The following C11orf65 variants were observed in gnomAD, a reference collection of about 807,000 sequenced individuals.
The protein encoded by C11orf65 is chromosome 11 open reading frame 65.
A neutral mutation model predicts 35.3 loss-of-function variants in C11orf65; 38 were observed. The ratio of observed to expected loss-of-function variants is 1.08; its 90% CI spans 0.83 to 1.41. The LOEUF (loss-of-function observed/expected upper bound fraction) is 1.41. Among genes scored for constraint, C11orf65 ranks in the 40% most tolerant of loss-of-function variants. The probability of loss-of-function intolerance (pLI) is 0.00; values close to 1 mark genes in which losing one functional copy is unlikely to be tolerated. For synonymous variants in C11orf65, 105 were observed against 114.4 expected, an observed-to-expected ratio of 0.92 and a Z score of 0.53; for missense variants, 370 against 367.1, an observed-to-expected ratio of 1.01 and a Z score of -0.06.
intron 2 of C11orf65, among the ~76,000 whole-genome samples, chr11:108,361,693 G>A (rs1186484957): frequency 6.6e-6 from 1 of 151,662 alleles, no homozygotes; most frequent in Non-Finnish European, 1.5e-5. Flanking sequence ...AACAAGCAAT[G>A]GGGAAAGGAT....
chr11:108,357,583 C>T (rs1374054407), intron 2 of C11orf65, among the ~76,000 whole-genome samples: 3 of 152,200 alleles, frequency 2.0e-5, no homozygotes, highest in African/African-American at 4.8e-5. Flanking sequence ...TCTCCCAGCA[C>T]GCAGCTGGAG....
chr11:108,334,736 G>A (rs956671959), intron 3 of C11orf65, among the ~76,000 whole-genome samples: 3 of 152,044 alleles, frequency 2.0e-5, no homozygotes, highest in South Asian at 4.1e-4. Flanking sequence ...TTATGTTTTC[G>A]TGAGGAGTTA....
Position 108,431,745 on chromosome 11 carries a change from C to T in C11orf65, c.174+1G>A. The T allele has an allele frequency of 1.4e-6, 2 of 1,437,450 alleles. No homozygotes were observed. Among genetic ancestry groups the T allele is most frequent in the East Asian group, 2.4e-5 (1 of 42,176 alleles). 89.0% of individuals were successfully genotyped at this position (1,437,450 alleles called of 1,614,324 possible). On this transcript the variant is annotated splice_donor_variant, in intron 3 of 8. Transcript: ENST00000393084. LOFTEE classifies it high-confidence loss of function. ...GCTATATCAATAAGTAATGTCCTTA[C>T]CTCTTTGGGATTAATATATTTCACT...
intron 2 of C11orf65, among the ~76,000 whole-genome samples, chr11:108,448,525 G>T (rs1389224407): frequency 6.6e-6 from 1 of 152,020 alleles, no homozygotes; most frequent in Non-Finnish European, 1.5e-5. Context: ...CAGAACCAAA[G>T]ACAAAAAACA....
In C11orf65 at chr11:108,335,120, C is replaced by T. The variant is rs555381912; in HGVS notation, c.299+100G>A. 25 of 1,613,890 alleles carry T rather than the reference C, an allele frequency of 1.5e-5. No homozygotes were observed. The East Asian group carries it at 4.2e-4, about 27-fold the overall frequency. ...AGACAGCTTGTTAAGGTGAGCCTTC[C>T]CTTCTCTGGCTTAGCCCTTAGAGTT... On this transcript the variant is annotated intron_variant, in intron 3 of 3. Coordinates refer to the C11orf65 transcript ENST00000524755.
At chr11:108,330,710 G>T (rs1016905029), downstream of C11orf65, among the ~76,000 whole-genome samples, 2 of 152,206 alleles carry the variant, frequency 1.3e-5, no homozygotes, top group African/African-American at 4.8e-5. Context: ...TGTCTTTGCA[G>T]TTACCATAGG....
At chr11:108,370,928 T>C (rs1171381734) in intron 2 of C11orf65, among the ~76,000 whole-genome samples, 1 of 152,188 alleles carries the variant, frequency 6.6e-6, no homozygotes, top group Non-Finnish European at 1.5e-5. Context: ...GAGAAACTTT[T>C]TGTTTTCCCA....
At position 108,331,475 on chromosome 11, in the gene C11orf65, T is replaced by G. The variant is rs774312539; in HGVS notation, c.*75A>C. Reference sequence around the variant, plus strand: ...GGAATGAAGATTCCAACATATAAATTTTTGCCTCTTATGTACCAATTGGCT... The same window carrying G: ...GGAATGAAGATTCCAACATATAAATGTTTGCCTCTTATGTACCAATTGGCT... On this transcript the variant is annotated 3_prime_UTR_variant, in exon 4 of 4. Coordinates refer to the C11orf65 transcript ENST00000524755. The G allele has an allele frequency of 1.4e-5, 23 of 1,613,294 alleles. No homozygotes were observed.
At chr11:108,344,981 T>A (rs1217265956) in intron 2 of C11orf65, among the ~76,000 whole-genome samples, 1 of 151,526 alleles carries the variant, frequency 6.6e-6, no homozygotes, top group Admixed American at 6.6e-5. Flanking sequence ...CCAGTCCAGG[T>A]GACAGAGACC....
chr11:108,440,904 T>C (rs567993399), intron 2 of C11orf65, among the ~76,000 whole-genome samples: 2 of 152,236 alleles, frequency 1.3e-5, no homozygotes, highest in South Asian at 2.1e-4. Flanking sequence ...GCTCCCAGCA[T>C]GAGCAACGCA....
At chr11:108,459,770 C>CACACACACAT (rs3221698) in intron 2 of C11orf65, among the ~76,000 whole-genome samples, 5 of 140,506 alleles carry the variant, frequency 3.6e-5, no homozygotes, top group Non-Finnish European at 7.8e-5. Flanking sequence ...CACACACACA[C>CACACACACAT]CTCTTTATTT....
At chr11:108,428,450 C>A (rs1329021088) in intron 3 of C11orf65, among the ~76,000 whole-genome samples, 49 of 152,124 alleles carry the variant, frequency 3.2e-4, no homozygotes, top group Admixed American at 3.2e-3. Context: ...AGAAAATGTG[C>A]CACATATACA....
chr11:108,408,679 A>AAAATAACATAAAATAAAATAAAATAAAAT (rs1565659697), intron 3 of C11orf65, among the ~76,000 whole-genome samples: 4 of 55,650 alleles, frequency 7.2e-5, no homozygotes, highest in African/African-American at 3.2e-4. Context: ...CTCAATAAAT[A>AAAATAACATAAAATAAAATAAAATAAAAT]AAATAAAATA....
intron 2 of C11orf65, among the ~76,000 whole-genome samples, chr11:108,443,485 T>C (rs2093194751): frequency 6.6e-6 from 1 of 152,116 alleles, no homozygotes; most frequent in South Asian, 2.1e-4. Flanking sequence ...CTCATAGACA[T>C]CTACAGAACT....
chr11:108,383,001 C>T lies in C11orf65; in HGVS notation c.*20G>A, dbSNP rs767605723. ...ATGGAAGGCTCAAAGGGCTATAACT[C>T]AGAATAGAAATAAAGTACTTTATAG... On this transcript the variant is annotated 3_prime_UTR_variant, in exon 9 of 9. Coordinates refer to ENST00000393084, the MANE Select transcript of C11orf65 (RefSeq NM_152587.5). 2 of 1,610,246 alleles carry T rather than the reference C, an allele frequency of 1.2e-6. No homozygotes were observed. The highest frequency in any genetic ancestry group is 1.7e-6 in the Non-Finnish European group (2 of 1,178,810).
chr11:108,420,873 C>T (rs1340549585), intron 3 of C11orf65, among the ~76,000 whole-genome samples: 1 of 152,120 alleles, frequency 6.6e-6, no homozygotes, highest in East Asian at 1.9e-4. Flanking sequence ...CCTCAGCCTC[C>T]CAAAGTGCTG....
At chr11:108,418,270 A>G (rs1591511874) in intron 3 of C11orf65, among the ~76,000 whole-genome samples, 1 of 152,274 alleles carries the variant, frequency 6.6e-6, no homozygotes, top group East Asian at 1.9e-4. Flanking sequence ...ATTGACATCT[A>G]TGCAATACTA....
chr11:108,323,598 A>G (rs753054622), intron 6 of C11orf65, among the ~76,000 whole-genome samples: 58 of 152,236 alleles, frequency 3.8e-4, no homozygotes, highest in Middle Eastern at 3.2e-3. Flanking sequence ...GATCATGGAT[A>G]TCTCAATTAC....
At chr11:108,323,055 G>A (rs998453391) in intron 6 of C11orf65, among the ~76,000 whole-genome samples, 2 of 152,046 alleles carry the variant, frequency 1.3e-5, no homozygotes, top group African/African-American at 2.4e-5. Context: ...ATTATTATAC[G>A]AGGGAAGAAA....
Sources: allele counts gnomAD v4.1 joint callset (sites outside exome capture counted in the v4.1 genomes callset), GRCh38; gene constraint gnomAD v4.1.1; transcripts MANE v1.5; gene names NCBI Gene and HGNC (gene_info 2026-07-23, HGNC 2026-07-21).